The following ADAM9 variants were observed in gnomAD, a reference collection of about 807,000 sequenced individuals.
ADAM9 encodes disintegrin and metalloproteinase domain-containing protein 9.
ADAM9 carries 54 observed loss-of-function variants against 108.1 expected under a neutral mutation model. The ratio of observed to expected loss-of-function variants is 0.50; its 90% CI spans 0.40 to 0.63. The LOEUF is 0.63. Among genes scored for constraint, ADAM9 ranks in the 20% least tolerant of loss-of-function variants. The pLI, the probability that ADAM9 is intolerant of heterozygous loss-of-function variation, is 0.00. For synonymous variants in ADAM9, 316 were observed against 336.0 expected (o/e 0.94, Z 0.65); for missense variants, 830 against 997.7 (o/e 0.83, Z 2.26).
intron 20 of ADAM9, among the ~76,000 whole-genome samples, chr8:39,100,510 A>G (rs1264859860): frequency 2.0e-5 from 3 of 151,430 alleles, no homozygotes; most frequent in Admixed American, 2.0e-4. Context: ...AAAAAAAAAG[A>G]TTCAGTGAAG....
chr8:39,007,965 T>G lies in ADAM9; in HGVS notation c.177T>G (p.Pro59=). Residue 59 remains proline, a synonymous_variant, in exon 2 of 22, where the codon CCT becomes CCG. Transcript: ENST00000487273. ...TAACTAGAGAAAGAAGAGAAGCCCCTAGGCCCTATTCAAAACAAGTAAGTT... is the reference window on the plus strand; with the variant it reads ...TAACTAGAGAAAGAAGAGAAGCCCCGAGGCCCTATTCAAAACAAGTAAGTT... ...WRLTRERREA[P]RPYSKQVSYV... 6.2e-7 allele frequency: 1 copy of G among 1,605,302 alleles called. No individual in the cohort carries two copies. Among genetic ancestry groups the G allele is most frequent in the Non-Finnish European group, 8.5e-7 (1 of 1,173,122 alleles).
At chr8:39,063,794 C>G (rs11787126) in intron 14 of ADAM9, among the ~76,000 whole-genome samples, 35,776 of 151,940 alleles carry the variant, frequency 0.24, 4,499 homozygotes, top group South Asian at 0.31. Context: ...CCCCACATGT[C>G]CTCATTTCAA....
At chr8:39,032,146 C>G (rs1486743832) in intron 11 of ADAM9, among the ~76,000 whole-genome samples, 4 of 152,252 alleles carry the variant, frequency 2.6e-5, no homozygotes, top group Non-Finnish European at 5.9e-5. Context: ...CTTGAGGAGG[C>G]AGTCTGTCTG....
intron 15 of ADAM9, among the ~76,000 whole-genome samples, chr8:39,072,323 C>T (rs947656260): frequency 2.0e-5 from 3 of 152,166 alleles, no homozygotes; most frequent in Admixed American, 1.3e-4. Flanking sequence ...CCTATGCTAT[C>T]AGTTAAGCTA....
intron 9 of ADAM9, among the ~76,000 whole-genome samples, chr8:39,025,127 A>G (rs188822569): frequency 9.5e-4 from 145 of 151,956 alleles, no homozygotes; most frequent in African/African-American, 3.1e-3. Flanking sequence ...GTCTCATTCT[A>G]TCACCCAGGC....
intron 3 of ADAM9, among the ~76,000 whole-genome samples, chr8:39,012,760 C>T (rs1413759333): frequency 5.9e-5 from 9 of 152,012 alleles, no homozygotes; most frequent in Non-Finnish European, 1.3e-4. Flanking sequence ...AACACTTGGA[C>T]ACAGGAAGGG....
intron 2 of ADAM9, among the ~76,000 whole-genome samples, chr8:39,008,586 A>G (rs1836242426): frequency 6.6e-6 from 1 of 152,202 alleles, no homozygotes; most frequent in Admixed American, 6.5e-5. Flanking sequence ...ATTTTAACTG[A>G]CAGGCAATGG....
intron 18 of ADAM9, among the ~76,000 whole-genome samples, chr8:39,086,486 C>T (rs1297575649): frequency 2.6e-5 from 4 of 151,934 alleles, no homozygotes; most frequent in Non-Finnish European, 5.9e-5. Context: ...CCATTTGTTT[C>T]TTTTATATAT....
At chr8:39,036,985 G>A (rs1329473588) in intron 11 of ADAM9, among the ~76,000 whole-genome samples, 1 of 151,110 alleles carries the variant, frequency 6.6e-6, no homozygotes. Context: ...TTTAGAGGTG[G>A]TAGACTTTAT....
At chr8:39,071,799 C>G (rs562724760) in intron 15 of ADAM9, among the ~76,000 whole-genome samples, 1 of 152,134 alleles carries the variant, frequency 6.6e-6, no homozygotes, top group African/African-American at 2.4e-5. Flanking sequence ...TCTCTGTGAC[C>G]GCTGATTTTC....
Position 39,016,177 on chromosome 8 carries a change from C to T in ADAM9, c.393C>T (p.Ser131=), listed in dbSNP as rs538588121. The change falls in exon 5 of 22, where the codon AGC becomes AGT. Residue 131 remains serine, a synonymous_variant. Coordinates refer to ENST00000487273, the MANE Select transcript of ADAM9 (RefSeq NM_003816.3). ...EGVHNSSIAL[S]DCFGLRGLLH... is the part of the protein sequence containing the mutation. ...TTCATAATTCATCCATTGCTCTTAG[C>T]GACTGTTTTGGACTCAGGTAAGCAA... The T allele has an allele frequency of 8.7e-6, 14 of 1,613,608 alleles. No homozygotes were observed. The highest frequency in any genetic ancestry group is 5.0e-5 in the Admixed American group (3 of 59,996).
chr8:39,030,902 C>A (rs1837076561), intron 11 of ADAM9, among the ~76,000 whole-genome samples: 1 of 152,138 alleles, frequency 6.6e-6, no homozygotes, highest in Admixed American at 6.5e-5. Flanking sequence ...CTGTGAAGGT[C>A]TTTGGCCCAT....
At chr8:39,007,244 C>G (rs952717311) in intron 1 of ADAM9, among the ~76,000 whole-genome samples, 1 of 152,084 alleles carries the variant, frequency 6.6e-6, no homozygotes, top group Non-Finnish European at 1.5e-5. Context: ...ACTAATAGAA[C>G]AAGAACTCTT....
chr8:39,100,659 A>C (rs1179048833), intron 20 of ADAM9, among the ~76,000 whole-genome samples: 3 of 152,144 alleles, frequency 2.0e-5, no homozygotes, highest in Non-Finnish European at 4.4e-5. Context: ...AGTACATATA[A>C]ATCATTCTGT....
intron 20 of ADAM9, among the ~76,000 whole-genome samples, chr8:39,099,191 C>G (rs6988952): frequency 0.086 from 13,073 of 152,168 alleles, 888 homozygotes; most frequent in African/African-American, 0.19. Flanking sequence ...CTTGTATTCA[C>G]CATTCCATCC....
intron 14 of ADAM9, among the ~76,000 whole-genome samples, chr8:39,060,151 C>G (rs1038181604): frequency 6.6e-6 from 1 of 152,310 alleles, no homozygotes; most frequent in African/African-American, 2.4e-5. Flanking sequence ...GGCCCAGTAG[C>G]AGGCCAATAG....
At chr8:39,035,826 C>G (rs1837255376) in intron 11 of ADAM9, among the ~76,000 whole-genome samples, 1 of 151,624 alleles carries the variant, frequency 6.6e-6, no homozygotes, top group Non-Finnish European at 1.5e-5. Context: ...CAAAACAAAA[C>G]AAAACAAAAC....
chr8:39,021,344 G>A (rs895998724), intron 7 of ADAM9, among the ~76,000 whole-genome samples: 4 of 151,790 alleles, frequency 2.6e-5, no homozygotes, highest in Admixed American at 2.0e-4. Context: ...GTGAAATGGC[G>A]GGATCTTGGC....
At position 39,045,094 on chromosome 8, in the gene ADAM9, ATGTGTGTGTGCATACATACATATG is replaced by A. The variant is rs1426241973; in HGVS notation, c.1302+2986_1302+3009del. Among the ~76,000 whole-genome samples the A allele has an allele frequency of 1.4e-3, 33 of 23,604 alleles. 7 individuals carry two copies. The highest frequency in any genetic ancestry group is 4.8e-3 in the African/African-American group (21 of 4,360). 15.5% of individuals were successfully genotyped at this position (23,604 alleles called of 152,430 possible). ...CATATGTGTGTGTGCATACATACAT[ATGTGTGTGTGCATACATACATATG>A]TGTGTGTGCATACATACATATATGT... On this transcript the variant is annotated intron_variant, in intron 12 of 21. Coordinates refer to ENST00000487273, the MANE Select transcript of ADAM9 (RefSeq NM_003816.3).
Sources: allele counts gnomAD v4.1 joint callset (sites outside exome capture counted in the v4.1 genomes callset), GRCh38; gene constraint gnomAD v4.1.1; transcripts MANE v1.5; gene names NCBI Gene and HGNC (gene_info 2026-07-23, HGNC 2026-07-21).